Variants in ZNF180 observed in about 807,000 individuals in gnomAD.
The protein encoded by ZNF180 is zinc finger protein 180 (HHZ168).
Under a neutral mutation model 11.8 loss-of-function variants are expected in ZNF180, and 11 were observed. The ratio of observed to expected loss-of-function variants is 0.93; its 90% CI spans 0.59 to 1.55. The LOEUF is 1.55. Among genes scored for constraint, ZNF180 ranks in the 40% most tolerant of loss-of-function variants. The pLI is 0.00. For synonymous variants in ZNF180, 287 were observed against 257.7 expected (o/e 1.11, Z -1.09); for missense variants, 773 against 781.7 (o/e 0.99, Z 0.13).
rs377608330 is a variant in ZNF180, at chr19:44,500,128, T to A, written c.-44+147A>T. The A allele has an allele frequency of 9.0e-4, 1,453 of 1,607,828 alleles. 8 individuals carry two copies. The highest frequency in any genetic ancestry group is 7.0e-4 in the Non-Finnish European group (819 of 1,174,818). On this transcript the variant is annotated intron_variant, in intron 1 of 4. Transcript: ENST00000592529. ...CGGAATATACAGCTGTATCAGTAAC[T>A]CCATCAACCCCGGTGACCCGAGGCT...
Position 44,476,841 on chromosome 19 carries a change from T to C in ZNF180, c.1559A>G (p.Lys520Arg), listed in dbSNP as rs1228832485. 3.7e-6 allele frequency: 6 copies of C among 1,614,048 alleles called. No individual in the cohort carries two copies. The highest frequency in any genetic ancestry group is 5.1e-6 in the Non-Finnish European group (6 of 1,180,022). The change falls in exon 5 of 5, where the codon AAA (lysine) becomes AGA (arginine). Residue 520 changes from lysine to arginine, a missense_variant. Physicochemically the swap from Lys to Arg is conservative, Grantham distance 26 (BLOSUM62 2). Coordinates refer to ENST00000592529, the MANE Select transcript of ZNF180 (RefSeq NM_001278509.3). ...TCCACATTCACTACATTCATACGGTTTCTCTCCAGTGTGAGTTCTTTGATG... is the reference window on the plus strand; with the variant it reads ...TCCACATTCACTACATTCATACGGTCTCTCTCCAGTGTGAGTTCTTTGATG... ...VAHQRTHTGE[K>R]PYECSECGKS...
At position 44,477,374 on chromosome 19, in the gene ZNF180, A is replaced by G; in HGVS notation, c.1026T>C (p.Val342=). The change falls in exon 5 of 5, where the codon GTT becomes GTC. Residue 342 remains valine (V), a synonymous_variant. Coordinates refer to ENST00000592529, the MANE Select transcript of ZNF180 (RefSeq NM_001278509.3). The part of the protein sequence containing the change: ...GKSFSWSSHL[V]AHQRTHTGEK... Reference sequence around the variant, plus strand: ...CCCCTGTGTGAGTTCTCTGATGTGCAACAAGATGCGAGCTCCAGCTGAAGG... The same window carrying G: ...CCCCTGTGTGAGTTCTCTGATGTGCGACAAGATGCGAGCTCCAGCTGAAGG... 1 of 1,614,126 alleles carries G rather than the reference A, an allele frequency of 6.2e-7. No homozygotes were observed. The highest frequency in any genetic ancestry group is 8.5e-7 in the Non-Finnish European group (1 of 1,180,006).
chr19:44,498,561 C>A (rs1309765988), intron 1 of ZNF180, among the ~76,000 whole-genome samples: 1 of 152,148 alleles, frequency 6.6e-6, no homozygotes, highest in African/African-American at 2.4e-5. Flanking sequence ...AACTGGGCAC[C>A]ATCAGGCTGT....
At chr19:44,491,362 G>GC (rs1970446361) in intron 2 of ZNF180, among the ~76,000 whole-genome samples, 1 of 152,208 alleles carries the variant, frequency 6.6e-6, no homozygotes, top group African/African-American at 2.4e-5. Context: ...ATGCATGTGA[G>GC]CCCGTGCATG....
At chr19:44,487,748 G>C (rs114313602) in intron 2 of ZNF180, among the ~76,000 whole-genome samples, 3,378 of 152,234 alleles carry the variant, frequency 0.022, 98 homozygotes, top group African/African-American at 0.076. Flanking sequence ...TTGGTTTTGA[G>C]ACAGAGTCTC....
At chr19:44,483,851 A>G (rs1176948583) in intron 3 of ZNF180, among the ~76,000 whole-genome samples, 1 of 152,104 alleles carries the variant, frequency 6.6e-6, no homozygotes, top group African/African-American at 2.4e-5. Context: ...ATTTAAACTG[A>G]ATTGAATATT....
chr19:44,476,643 G>A lies in ZNF180; in HGVS notation c.1757C>T (p.Ser586Phe), dbSNP rs776632335. ...AGTAAGGCATGAACTCTGTCTGAAGGACTTCCCACATTGACTGCATTCATA... is the reference window on the plus strand; with the variant it reads ...AGTAAGGCATGAACTCTGTCTGAAGAACTTCCCACATTGACTGCATTCATA... ...KPYECSQCGK[S>F]FRQSSCLTQH... The change falls in exon 5 of 5, where the codon TCC becomes TTC. Residue 586 changes from serine to phenylalanine, a missense_variant. By Grantham distance (155) the Ser-to-Phe change is radical. Coordinates refer to ENST00000592529, the MANE Select transcript of ZNF180 (RefSeq NM_001278509.3). 6 of 1,614,008 alleles carry A rather than the reference G, an allele frequency of 3.7e-6. No individual in the cohort carries two copies. In the African/African-American group the frequency reaches 6.7e-5, roughly 18 times the overall value.
At chr19:44,484,546 A>ATCCCTCCCACCATATTTCTCC in intron 2 of ZNF180, 111 bp from the exon 3 acceptor site, 1 of 736,356 alleles carries the variant, frequency 1.4e-6, no homozygotes, top group East Asian at 2.7e-5. Flanking sequence ...ATTTTAACGC[A>ATCCCTCCCACCATATTTCTCC]TCCCTCCCAC....
chr19:44,478,205 A>G (rs2123439211), intron 4 of ZNF180, 59 bp from the exon 5 acceptor site: 1 of 1,450,398 alleles, frequency 6.9e-7, no homozygotes, highest in Non-Finnish European at 9.1e-7. Flanking sequence ...GAAAAATGGA[A>G]TAAAGCTAAC....
chr19:44,497,388 C>T lies in ZNF180; in HGVS notation c.-43-11G>A. ...AGGTCCTGAGCTGCACTGAGAGAAG[C>T]CCCAAGTACAGCATGAAGATGTAGG... On this transcript the variant is annotated splice_polypyrimidine_tract_variant and intron_variant, in intron 1 of 4. Coordinates refer to ENST00000592529, the MANE Select transcript of ZNF180 (RefSeq NM_001278509.3). 6.3e-7 allele frequency: 1 copy of T among 1,584,630 alleles called. No homozygotes were observed. Among genetic ancestry groups the T allele is most frequent in the Non-Finnish European group, 8.5e-7 (1 of 1,170,226 alleles).
Position 44,477,543 on chromosome 19 carries a change from T to C in ZNF180, c.857A>G (p.Lys286Arg), listed in dbSNP as rs749651278. Reference protein sequence around the residue: ...FKECGQVLNPKISHNEQQRIP... With the variant: ...FKECGQVLNPRISHNEQQRIP... ...TCTCTGTTGTTCATTATGGGATATT[T>C]TGGGGTTCAAAACCTGCCCACATTC... The change falls in exon 5 of 5, where the codon AAA becomes AGA. Residue 286 changes from lysine (K) to arginine (R), a missense_variant. Physicochemically the swap from Lys to Arg is conservative, Grantham distance 26. Transcript: ENST00000592529. The C allele has an allele frequency of 6.2e-7, 1 of 1,614,134 alleles. No homozygotes were observed. The highest frequency in any genetic ancestry group is 8.5e-7 in the Non-Finnish European group (1 of 1,180,004).
At chr19:44,497,130 G>A (rs11883035) in intron 2 of ZNF180, among the ~76,000 whole-genome samples, 154 bp downstream of exon 2, 10,932 of 152,194 alleles carry the variant, frequency 0.072, 1,311 homozygotes, top group African/African-American at 0.25. Context: ...CTAGCAGGGA[G>A]ATTCATAAAA....
chr19:44,479,358 C>A lies in ZNF180; in HGVS notation c.178G>T (p.Gly60Cys), dbSNP rs577776604. The change falls in exon 4 of 5, where the codon GGT becomes TGT. Residue 60 changes from glycine to cysteine, a missense_variant. Gly to Cys is a radical substitution (Grantham distance 159, BLOSUM62 -3). Coordinates refer to ENST00000592529, the MANE Select transcript of ZNF180 (RefSeq NM_001278509.3). ...VTVDFTREEQ[G>C]TCNPAQRTLD... ...GTCCTCTGAGCAGGGTTGCAAGTAC[C>A]CTGTTCCTCCCGTGTGAAGTCCACA... 9.4e-5 allele frequency: 151 copies of A among 1,613,794 alleles called. No homozygotes were observed. Among genetic ancestry groups the A allele is most frequent in the Non-Finnish European group, 1.2e-4 (140 of 1,179,904 alleles).
chr19:44,491,040 T>C (rs1970436823), intron 2 of ZNF180, among the ~76,000 whole-genome samples: 1 of 152,234 alleles, frequency 6.6e-6, no homozygotes, highest in South Asian at 2.1e-4. Context: ...AGAGCTGAGA[T>C]CTTGTCTGTC....
chr19:44,500,321 C>T lies in ZNF180; in HGVS notation c.-90G>A. 6.4e-7 allele frequency: 1 copy of T among 1,566,410 alleles called. No homozygotes were observed. Among genetic ancestry groups the T allele is most frequent in the Non-Finnish European group, 8.8e-7 (1 of 1,141,854 alleles). On this transcript the variant is annotated 5_prime_UTR_variant, in exon 1 of 5. Transcript: ENST00000592529. ...GCCCAGGCTGGGCCTGTCACCGCCT[C>T]AGTGCCTAGCACGGCTCTGCGGCAG...
rs757238741 is a variant in ZNF180, at chr19:44,477,272, A to G, written c.1128T>C (p.His376=). The change falls in exon 5 of 5, where the codon CAT becomes CAC. Residue 376 remains histidine, a synonymous_variant. Transcript: ENST00000592529. The part of the protein sequence containing the change: ...SSHLVSHQRT[H]TGEKPYRCNQ... The stretch of plus-strand genomic sequence containing the variant: ...TACACCTGTAAGGTTTCTCTCCAGT[A>G]TGAGTTCTCTGATGGGAAACAAGGT... The G allele has an allele frequency of 3.7e-6, 6 of 1,613,734 alleles. No homozygotes were observed. The East Asian group carries it at 1.1e-4, about 30-fold the overall frequency.
chr19:44,477,318 T>C lies in ZNF180; in HGVS notation c.1082A>G (p.Lys361Arg), dbSNP rs1380897433. 9.9e-6 allele frequency: 16 copies of C among 1,612,270 alleles called. No individual in the cohort carries two copies. The highest frequency in any genetic ancestry group is 1.3e-5 in the Non-Finnish European group (15 of 1,178,756). ...EKPYECSECG[K>R]SFSRSSHLVS... ...AAGGTGCGAGCTCCGGCTGAAGGAT[T>C]TTCCACATTCACTACATTCATAAGG... is the stretch of plus-strand genomic sequence containing the variant. The change falls in exon 5 of 5, where the codon AAA becomes AGA. Residue 361 changes from lysine (K) to arginine (R), a missense_variant. Coordinates refer to ENST00000592529, the MANE Select transcript of ZNF180 (RefSeq NM_001278509.3).
At chr19:44,482,679 G>A (rs538916695) in intron 3 of ZNF180, among the ~76,000 whole-genome samples, 21 of 152,144 alleles carry the variant, frequency 1.4e-4, no homozygotes, top group Non-Finnish European at 2.9e-4. Context: ...CAGCTGATGA[G>A]AATATAAAAA....
At chr19:44,494,188 T>C (rs1033813471) in intron 2 of ZNF180, among the ~76,000 whole-genome samples, 10 of 152,206 alleles carry the variant, frequency 6.6e-5, no homozygotes, top group South Asian at 2.1e-4. Context: ...TGTCTCATCT[T>C]TCCCCACAGT....
Sources: gnomAD v4.1 joint callset for allele counts (sites outside exome capture counted in the v4.1 genomes callset) on GRCh38, gnomAD v4.1.1 for gene constraint, MANE v1.5 for transcripts, NCBI Gene and HGNC (gene_info 2026-07-23, HGNC 2026-07-21) for gene names.